Variants in ADAM12 observed in about 807,000 individuals in gnomAD.
ADAM12 encodes disintegrin and metalloproteinase domain-containing protein 12.
In ADAM12, 70 loss-of-function variants were observed where a neutral mutation model predicts 106.4. The ratio of observed to expected loss-of-function variants is 0.66; its 90% CI spans 0.54 to 0.80. The LOEUF (loss-of-function observed/expected upper bound fraction) is 0.80, where lower values mean the gene tolerates loss of function less well. Among genes scored for constraint, ADAM12 ranks in the 30% least tolerant of loss-of-function variants. ADAM12 has a pLI of 0.00. For synonymous variants in ADAM12, 420 were observed against 433.5 expected (o/e 0.97, Z 0.39); for missense variants, 1,010 against 1,171.9 (o/e 0.86, Z 2.02).
intron 11 of ADAM12, among the ~76,000 whole-genome samples, chr10:126,085,577 T>C (rs1955322621): frequency 6.6e-6 from 1 of 152,190 alleles, no homozygotes; most frequent in Non-Finnish European, 1.5e-5. Context: ...CCATTATCCA[T>C]TCATCCACCT....
rs143426369 is a variant in ADAM12 at position 126,043,118 on chromosome 10, C to T, written c.2026G>A (p.Glu676Lys). ...VCNNRKNCHCEAHWAPPFCDK... is the reference protein window; with the variant it reads ...VCNNRKNCHCKAHWAPPFCDK... ...CAGAAGGGAGGTGCCCAGTGGGCCT[C>T]GCAGTGGCAGTTCTTCCTGTTGTTG... The change falls in exon 18 of 23, where the codon GAG becomes AAG. Residue 676 changes from glutamate (E) to lysine (K), a missense_variant. Physicochemically the swap from Glu to Lys is moderately conservative, Grantham distance 56. This residue lies in a region of ADAM12 where 615 missense variants were observed against 708.5 expected (regional missense o/e 0.87). Transcript: ENST00000448723. This position sits in a 1 kb window ranked among gnomAD's most constrained non-coding sequence, Gnocchi z 4.1. The T allele has an allele frequency of 9.9e-6, 16 of 1,614,016 alleles. No individual in the cohort carries two copies. The African/African-American group carries it at 1.6e-4, about 16-fold the overall frequency.
At chr10:126,369,007 A>G (rs1019735521) in intron 1 of ADAM12, among the ~76,000 whole-genome samples, 1 of 152,216 alleles carries the variant, frequency 6.6e-6, no homozygotes, top group Non-Finnish European at 1.5e-5. Context: ...TATGAAAATT[A>G]GCATCCATTA....
intron 2 of ADAM12, among the ~76,000 whole-genome samples, chr10:126,321,468 T>C (rs112155623): frequency 1.2e-3 from 180 of 152,288 alleles, no homozygotes; most frequent in African/African-American, 4.1e-3. Context: ...GTGAGTGTTG[T>C]TGGAAATGCA....
intron 4 of ADAM12, 46 bp downstream of exon 4, chr10:126,155,181 G>A (rs1210995348): frequency 6.3e-7 from 1 of 1,592,812 alleles, no homozygotes; most frequent in East Asian, 2.2e-5. Context: ...GTTAAGCACA[G>A]ATCCAGTGGT....
chr10:126,250,095 C>T (rs554788178), intron 3 of ADAM12, among the ~76,000 whole-genome samples: 11 of 152,270 alleles, frequency 7.2e-5, no homozygotes, highest in Admixed American at 2.0e-4. Flanking sequence ...CCAACCCATC[C>T]GGGACTACCA....
intron 21 of ADAM12, among the ~76,000 whole-genome samples, chr10:126,028,260 A>G (rs1454515790): frequency 1.3e-5 from 2 of 151,698 alleles, no homozygotes; most frequent in African/African-American, 4.8e-5. Flanking sequence ...CCCAAATAGA[A>G]TCAATGCTAT....
intron 21 of ADAM12, among the ~76,000 whole-genome samples, chr10:126,035,652 A>G (rs1351186451): frequency 6.6e-6 from 1 of 152,190 alleles, no homozygotes; most frequent in African/African-American, 2.4e-5. Context: ...GTTACTTCCA[A>G]AAACAGCATA....
intron 14 of ADAM12, among the ~76,000 whole-genome samples, chr10:126,061,842 T>C (rs974441484): frequency 1.3e-5 from 2 of 152,220 alleles, no homozygotes; most frequent in Admixed American, 6.5e-5. Flanking sequence ...CCTCCAGAAC[T>C]GTAAAATGAA....
chr10:126,189,765 G>A (rs538670511), intron 3 of ADAM12, among the ~76,000 whole-genome samples: 90 of 152,040 alleles, frequency 5.9e-4, no homozygotes, highest in Non-Finnish European at 1.0e-3. Context: ...GCTGTCCCTC[G>A]CCTCAGTGGC....
chr10:126,120,785 A>G (rs1397719697), intron 5 of ADAM12, among the ~76,000 whole-genome samples: 3 of 150,438 alleles, frequency 2.0e-5, no homozygotes, highest in East Asian at 1.9e-4. Flanking sequence ...CATAACCACA[A>G]AATTTTGCAG....
chr10:126,323,060 T>C (rs1854162058), intron 2 of ADAM12, among the ~76,000 whole-genome samples: 2 of 151,838 alleles, frequency 1.3e-5, no homozygotes, highest in Admixed American at 6.6e-5. Flanking sequence ...ACCCAGAGAG[T>C]CTGGGAACAG....
chr10:126,192,370 C>A (rs1021623147), intron 3 of ADAM12, among the ~76,000 whole-genome samples: 1 of 152,140 alleles, frequency 6.6e-6, no homozygotes, highest in Non-Finnish European at 1.5e-5. Context: ...ACATTGAGCA[C>A]CCTGTCTGCT....
At chr10:126,198,700 C>G (rs1209750488) in intron 3 of ADAM12, among the ~76,000 whole-genome samples, 3 of 152,202 alleles carry the variant, frequency 2.0e-5, no homozygotes, top group Admixed American at 1.3e-4. Flanking sequence ...AATGAACAAC[C>G]ATTACAAACA....
At chr10:126,323,513 G>C (rs776475139) in intron 2 of ADAM12, among the ~76,000 whole-genome samples, 2 of 152,182 alleles carry the variant, frequency 1.3e-5, no homozygotes, top group Non-Finnish European at 2.9e-5. Flanking sequence ...AGTTGTGGTA[G>C]TCAGAGTGGT....
At chr10:126,211,857 G>A (rs994789711) in intron 3 of ADAM12, among the ~76,000 whole-genome samples, 1 of 152,232 alleles carries the variant, frequency 6.6e-6, no homozygotes, top group African/African-American at 2.4e-5. Flanking sequence ...AGTAGAGTGA[G>A]GGAGACCGCG....
At chr10:126,211,456 G>T (rs1157325612) in intron 3 of ADAM12, among the ~76,000 whole-genome samples, 1 of 152,186 alleles carries the variant, frequency 6.6e-6, no homozygotes, top group Non-Finnish European at 1.5e-5. Flanking sequence ...TAAGAACCAT[G>T]GGATCCTGGA....
At chr10:126,083,839 A>C (rs1286558392) in intron 11 of ADAM12, among the ~76,000 whole-genome samples, 1 of 152,232 alleles carries the variant, frequency 6.6e-6, no homozygotes, top group Non-Finnish European at 1.5e-5. Flanking sequence ...AGCTCTGACC[A>C]CACAGGCTCA....
chr10:126,022,085 A>G (rs998433740), intron 21 of ADAM12, among the ~76,000 whole-genome samples: 2 of 152,178 alleles, frequency 1.3e-5, no homozygotes, highest in Non-Finnish European at 2.9e-5. Flanking sequence ...TTTTATTGCA[A>G]TGCTGGAGAA....
In ADAM12 at chr10:126,036,380, C is replaced by A. The variant is rs987212150; in HGVS notation, c.2350-55G>T. ...TAGCGGGTTTCAAAAATATCAGTAA[C>A]TCCTTAAGGAAAAAGCAGTGCTAAC... On this transcript the variant is annotated intron_variant, in intron 20 of 22. Transcript: ENST00000448723. 1.3e-6 allele frequency: 2 copies of A among 1,533,562 alleles called. 1 individual carries two copies. 95.0% of individuals were successfully genotyped at this position (1,533,562 alleles called of 1,614,324 possible). A position where few individuals can be genotyped will look rare whatever the true frequency, so the allele number is the denominator to read the frequency against.
Sources: gnomAD v4.1 joint callset for allele counts (sites outside exome capture counted in the v4.1 genomes callset) on GRCh38, gnomAD v4.1.1 for gene constraint, gnomAD v4.1.1 regional missense constraint, Gnocchi (gnomAD v3.1) non-coding constraint, MANE v1.5 for transcripts, NCBI Gene and HGNC (gene_info 2026-07-23, HGNC 2026-07-21) for gene names.